DIAPH2: variants seen among roughly 807,000 people sequenced by gnomAD.
The protein encoded by DIAPH2 is diaphanous related formin 2.
DIAPH2 carries 35 observed loss-of-function variants against 92.7 expected under a neutral mutation model. That is an observed-to-expected ratio of 0.38 (90% CI 0.29 to 0.50). The LOEUF (loss-of-function observed/expected upper bound fraction) is 0.50, where lower values mean the gene tolerates loss of function less well. DIAPH2 is among the 20% of genes least tolerant of loss of function. The pLI is 0.94. For missense variants in DIAPH2, 701 were observed against 819.5 expected (o/e 0.86, Z 1.77); for synonymous variants, 301 against 280.4 (o/e 1.07, Z -0.73).
rs1424997100 is a variant in DIAPH2, at chrX:96,722,368, A to AG, written c.133-13390_133-13389insG. Among the ~76,000 whole-genome samples the AG allele has an allele frequency of 6.3e-5, 7 of 110,241 alleles. No individual in the cohort carries two copies. In the Admixed American group the frequency reaches 6.7e-4, roughly 11 times the overall value. On this transcript the variant is annotated intron_variant, in intron 1 of 26. Transcript: ENST00000324765. ...CGAGACTCCGTCTTAGAAAAAAAAA[A>AG]AGAGAGACTCTCATTCATTCATTCG...
intron 22 of DIAPH2, among the ~76,000 whole-genome samples, chrX:97,207,870 G>A (rs941070387): frequency 2.7e-5 from 3 of 111,290 alleles, no homozygotes; most frequent in East Asian, 2.8e-4. Context: ...AGAGTGAACC[G>A]GGGCCAGGTG....
chrX:97,164,701 C>CT (rs1052264405), intron 22 of DIAPH2, among the ~76,000 whole-genome samples: 7 of 112,173 alleles, frequency 6.2e-5, no homozygotes, highest in African/African-American at 2.3e-4. Flanking sequence ...CTTATTGCTA[C>CT]TTTTTTTGGT....
chrX:96,926,295 AAAC>A (rs201215625), intron 9 of DIAPH2, among the ~76,000 whole-genome samples: 36,437 of 109,873 alleles, frequency 0.33, 5,128 homozygotes, highest in East Asian at 0.66. Flanking sequence ...TCACTTAGGT[AAAC>A]AACAACAACA....
chrX:96,714,582 G>A (rs1229135327), intron 1 of DIAPH2, among the ~76,000 whole-genome samples: 1 of 111,740 alleles, frequency 8.9e-6, no homozygotes, highest in Non-Finnish European at 1.9e-5. Context: ...ATATGTTAAT[G>A]TCTAGCTTCC....
intron 26 of DIAPH2, among the ~76,000 whole-genome samples, chrX:97,539,234 G>A (rs1354475241): frequency 9.1e-6 from 1 of 110,280 alleles, no homozygotes; most frequent in Non-Finnish European, 1.9e-5. Context: ...CTATAAAAAT[G>A]GCAGTGAGGC....
intron 23 of DIAPH2, among the ~76,000 whole-genome samples, chrX:97,308,714 G>A (rs888756284): frequency 6.9e-5 from 7 of 101,448 alleles, no homozygotes; most frequent in Admixed American, 2.2e-4. Context: ...TCGGCCTCCC[G>A]GGTTCACACC....
intron 5 of DIAPH2, among the ~76,000 whole-genome samples, chrX:96,903,312 G>T (rs890490029): frequency 3.6e-5 from 4 of 111,527 alleles, no homozygotes; most frequent in Admixed American, 2.9e-4. Context: ...TATGAGCTCT[G>T]TTTCATTTGC....
intron 23 of DIAPH2, among the ~76,000 whole-genome samples, chrX:97,292,323 T>G (rs1440496999): frequency 9.0e-6 from 1 of 111,207 alleles, no homozygotes; most frequent in African/African-American, 3.3e-5. Context: ...AAACATCCAT[T>G]TGTACAGTAT....
At chrX:97,104,817 G>A (rs1242895956) in intron 20 of DIAPH2, among the ~76,000 whole-genome samples, 13 of 111,799 alleles carry the variant, frequency 1.2e-4, no homozygotes, top group African/African-American at 3.9e-4. Context: ...TACTCTTGCA[G>A]TATTCATTAA....
chrX:97,529,170 C>T (rs1204084805), intron 26 of DIAPH2: 1 of 111,509 alleles, frequency 9.0e-6, no homozygotes, highest in African/African-American at 3.3e-5. Context: ...TATTGTTTTT[C>T]AGTCATGTTT....
At chrX:97,131,859 T>G (rs1345544743) in intron 21 of DIAPH2, among the ~76,000 whole-genome samples, 1 of 112,315 alleles carries the variant, frequency 8.9e-6, no homozygotes, top group Non-Finnish European at 1.9e-5. Flanking sequence ...ATTAATTCAT[T>G]CTGGCCTTTC....
intron 26 of DIAPH2, among the ~76,000 whole-genome samples, chrX:97,557,679 A>T (rs922662238): frequency 8.9e-6 from 1 of 112,424 alleles, no homozygotes; most frequent in African/African-American, 3.2e-5. Context: ...TGGAAAGGCC[A>T]TTTTGATTTT....
chrX:97,560,023 T>A lies in DIAPH2; in HGVS notation c.3242-39230T>A, dbSNP rs1276983938. On this transcript the variant is annotated intron_variant, in intron 26 of 26. Transcript: ENST00000324765. ...AACCTCTTCCAATCCTACCCACGTC[T>A]CAAGGCCTAGATCAAATTTCACGGT... is the stretch of plus-strand genomic sequence containing the variant. Among the ~76,000 whole-genome samples, 8 of 111,755 alleles carry A rather than the reference T, an allele frequency of 7.2e-5. No homozygotes were observed. The Admixed American group carries it at 7.6e-4, about 11-fold the overall frequency.
chrX:96,841,554 T>C (rs2064936751), intron 4 of DIAPH2, among the ~76,000 whole-genome samples: 1 of 111,734 alleles, frequency 8.9e-6, no homozygotes, highest in African/African-American at 3.3e-5. Flanking sequence ...AATCTAATCA[T>C]GTGTTCCTTT....
chrX:97,156,447 A>T lies in DIAPH2; in HGVS notation c.2719+14653A>T, dbSNP rs2067323699. 6.2e-5 allele frequency among the ~76,000 whole-genome samples: 7 copies of T among 112,482 alleles called. No homozygotes were observed. The South Asian group carries it at 2.6e-3, about 41-fold the overall frequency. Reference sequence around the variant, plus strand: ...TGGCATAGAATTAACCTCCAGAAAGACACATATTGCTTAGCCTTAAAAGAC... The same window carrying T: ...TGGCATAGAATTAACCTCCAGAAAGTCACATATTGCTTAGCCTTAAAAGAC... On this transcript the variant is annotated intron_variant, in intron 22 of 26. Coordinates refer to ENST00000324765, the MANE Select transcript of DIAPH2 (RefSeq NM_006729.5).
chrX:96,688,729 G>A lies in DIAPH2; in HGVS notation c.132+3539G>A, dbSNP rs530631065. ...TACTGTGTGCTAGGCATAATTCTAA[G>A]GGTTGGTGATACAAAGATACTTGTA... On this transcript the variant is annotated intron_variant, in intron 1 of 26. Coordinates refer to ENST00000324765, the MANE Select transcript of DIAPH2 (RefSeq NM_006729.5). Among the ~76,000 whole-genome samples, 14 of 112,303 alleles carry A rather than the reference G, an allele frequency of 1.2e-4. 1 individual carries two copies. Among genetic ancestry groups the A allele is most frequent in the African/African-American group, 4.2e-4 (13 of 30,943 alleles).
Position 97,552,449 on chromosome X carries a change from A to G in DIAPH2, c.3242-46804A>G, listed in dbSNP as rs183794618. ...CTTTCAGGGCTAAATTGTATTTGAG[A>G]ATACCTACTCTGAGGAATAGGTTTT... On this transcript the variant is annotated intron_variant, in intron 26 of 26. Transcript: ENST00000324765. Among the ~76,000 whole-genome samples, 6 of 112,046 alleles carry G rather than the reference A, an allele frequency of 5.4e-5. No individual in the cohort carries two copies. The East Asian group carries it at 1.7e-3, about 31-fold the overall frequency.
At chrX:97,218,382 G>A (rs1395538022) in intron 22 of DIAPH2, among the ~76,000 whole-genome samples, 1 of 111,782 alleles carries the variant, frequency 8.9e-6, no homozygotes, top group Non-Finnish European at 1.9e-5. Context: ...GAGCCACCGC[G>A]CCCAGCCAGG....
At chrX:97,013,777 G>A (rs150301792) in intron 17 of DIAPH2, among the ~76,000 whole-genome samples, 13 of 112,240 alleles carry the variant, frequency 1.2e-4, no homozygotes, top group Non-Finnish European at 2.3e-4. Context: ...TAACAAATCT[G>A]GCACCTGGAC....
Sources: allele counts gnomAD v4.1 joint callset (sites outside exome capture counted in the v4.1 genomes callset), GRCh38; gene constraint gnomAD v4.1.1; transcripts MANE v1.5; gene names NCBI Gene and HGNC (gene_info 2026-07-23, HGNC 2026-07-21).